The following FMO1 variants were observed in gnomAD, a reference collection of about 807,000 sequenced individuals.
FMO1 encodes flavin containing dimethylaniline monoxygenase 1.
In FMO1, 36 loss-of-function variants were observed where a neutral mutation model predicts 45.4. The observed-to-expected ratio is 0.79, with a 90% CI of 0.61 to 1.05. The LOEUF (loss-of-function observed/expected upper bound fraction) is 1.05. Among genes scored for constraint, FMO1 ranks in the 50% least tolerant of loss-of-function variants. The probability of loss-of-function intolerance (pLI) is 0.00; values close to 1 mark genes in which losing one functional copy is unlikely to be tolerated. For missense variants in FMO1, 615 were observed against 640.3 expected, an observed-to-expected ratio of 0.96 and a Z score of 0.43; for synonymous variants, 228 against 227.2, an observed-to-expected ratio of 1.00 and a Z score of -0.03.
chr1:171,271,268 C>G (rs1571347246), intron 3 of FMO1: 1 of 1,162,040 alleles, frequency 8.6e-7, no homozygotes, highest in Non-Finnish European at 1.2e-6. Context: ...GGGTGATACT[C>G]AGAGCAGAAC....
At chr1:171,278,057 A>C (rs937148999) in intron 4 of FMO1, among the ~76,000 whole-genome samples, 3 of 152,198 alleles carry the variant, frequency 2.0e-5, no homozygotes, top group Non-Finnish European at 4.4e-5. Context: ...TTTCAATAAG[A>C]TTCAGCATCA....
At chr1:171,267,829 A>C in intron 3 of FMO1, 98 bp downstream of exon 3, 1 of 828,434 alleles carries the variant, frequency 1.2e-6, no homozygotes, top group Non-Finnish European at 1.9e-6. Context: ...TGAGATACTA[A>C]ACTGGCAATA....
intron 2 of FMO1, among the ~76,000 whole-genome samples, chr1:171,266,342 T>C (rs1387901262): frequency 6.6e-6 from 1 of 152,246 alleles, no homozygotes; most frequent in East Asian, 1.9e-4. Context: ...AACAGACTAG[T>C]AACAAACCAT....
chr1:171,281,781 T>C (rs1388123637), intron 6 of FMO1, among the ~76,000 whole-genome samples, 197 bp from the exon 7 acceptor site: 1 of 152,194 alleles, frequency 6.6e-6, no homozygotes, highest in Non-Finnish European at 1.5e-5. Flanking sequence ...CAAACTCTAG[T>C]AAATGGCAAG....
chr1:171,283,103 A>G, intron 7 of FMO1, 41 bp from the exon 8 acceptor site: 1 of 1,068,272 alleles, frequency 9.4e-7, no homozygotes, highest in Non-Finnish European at 1.4e-6. Flanking sequence ...AGCTAGACCT[A>G]AACTTAAGTT....
chr1:171,283,067 T>C (rs1029552581), intron 7 of FMO1, 77 bp from the exon 8 acceptor site: 4 of 786,216 alleles, frequency 5.1e-6, no homozygotes, highest in African/African-American at 3.6e-5. Context: ...AGAGCCATAG[T>C]AAAGCATCTT....
rs761761217 is a variant in FMO1, at chr1:171,275,356, G to T, written c.332G>T (p.Cys111Phe). Reference protein sequence around the residue: ...LKHIQFKTKVCSVTKCSDSAV... With the variant: ...LKHIQFKTKVFSVTKCSDSAV... The stretch of plus-strand genomic sequence containing the variant: ...TGATTCTTTTTTCAGACCAAAGTCT[G>T]CAGTGTAACAAAATGCTCAGATTCT... The change falls in exon 4 of 9, where the codon TGC (cysteine) becomes TTC (phenylalanine). Residue 111 changes from cysteine (C) to phenylalanine (F), a missense_variant. Coordinates refer to ENST00000617670, the MANE Select transcript of FMO1 (RefSeq NM_001282693.2). The T allele has an allele frequency of 7.4e-6, 12 of 1,613,682 alleles. No individual in the cohort carries two copies. Among genetic ancestry groups the T allele is most frequent in the Non-Finnish European group, 9.3e-6 (11 of 1,179,786 alleles).
intron 1 of FMO1, among the ~76,000 whole-genome samples, chr1:171,256,012 G>A (rs1357603694): frequency 1.3e-5 from 2 of 152,214 alleles, no homozygotes; most frequent in Non-Finnish European, 2.9e-5. Flanking sequence ...AGTGGCTCAC[G>A]CCTGTAATCC....
intron 2 of FMO1, among the ~76,000 whole-genome samples, chr1:171,262,187 C>G (rs1660405556): frequency 1.3e-5 from 2 of 152,214 alleles, no homozygotes; most frequent in African/African-American, 4.8e-5. Flanking sequence ...GTAATCCCAG[C>G]ACTTTGGAAG....
chr1:171,271,068 T>C (rs906509163), intron 3 of FMO1: 2 of 984,192 alleles, frequency 2.0e-6, no homozygotes, highest in Admixed American at 2.0e-5. Context: ...CCTTGATAAA[T>C]CCCTTTTTTG....
intron 1 of FMO1, among the ~76,000 whole-genome samples, chr1:171,255,446 G>C (rs1257861603): frequency 6.6e-6 from 1 of 152,196 alleles, no homozygotes; most frequent in African/African-American, 2.4e-5. Flanking sequence ...AGCAGATCCA[G>C]GTCTCCAGCT....
intron 3 of FMO1, among the ~76,000 whole-genome samples, chr1:171,273,056 C>T (rs1333646113): frequency 2.6e-5 from 4 of 152,092 alleles, no homozygotes; most frequent in Non-Finnish European, 5.9e-5. Flanking sequence ...GGGAGGTAAC[C>T]GAATCATGAG....
At chr1:171,275,966 G>A (rs966546595) in intron 4 of FMO1, among the ~76,000 whole-genome samples, 3 of 152,108 alleles carry the variant, frequency 2.0e-5, no homozygotes, top group Admixed American at 6.6e-5. Context: ...TAGATTAGAG[G>A]TTTACGGCAC....
intron 2 of FMO1, among the ~76,000 whole-genome samples, chr1:171,261,106 C>T (rs1037832107): frequency 3.9e-5 from 6 of 151,972 alleles, no homozygotes; most frequent in East Asian, 1.9e-4. Flanking sequence ...GAATTAGTAA[C>T]GGGCTTAGGA....
intron 2 of FMO1, among the ~76,000 whole-genome samples, chr1:171,260,542 T>A (rs12145368): frequency 4.7e-4 from 72 of 152,102 alleles, no homozygotes; most frequent in African/African-American, 1.6e-3. Context: ...ATAAGAGCAC[T>A]CACACCAGAG....
Position 171,283,227 on chromosome 1 carries a change from T to C in FMO1, c.1256+11T>C, listed in dbSNP as rs770862345. The stretch of plus-strand genomic sequence containing the variant: ...AAACAAGCCCAGTTGGTAAGTTAAC[T>C]ACTTAATGCACCCTTTTTAAATTAT... On this transcript the variant is annotated intron_variant, in intron 8 of 8. Coordinates refer to ENST00000617670, the MANE Select transcript of FMO1 (RefSeq NM_001282693.2). The C allele has an allele frequency of 2.5e-6, 2 of 804,642 alleles. No individual in the cohort carries two copies. The highest frequency in any genetic ancestry group is 3.6e-6 in the Non-Finnish European group (2 of 549,458). 49.8% of individuals were successfully genotyped at this position (804,642 alleles called of 1,614,324 possible).
chr1:171,268,303 T>C (rs1660706626), intron 3 of FMO1, among the ~76,000 whole-genome samples: 1 of 152,116 alleles, frequency 6.6e-6, no homozygotes, highest in Admixed American at 6.5e-5. Context: ...CCATGCAGTC[T>C]CAAACACCTG....
At chr1:171,249,516 C>A (rs1232067669) in intron 1 of FMO1, among the ~76,000 whole-genome samples, 1 of 152,190 alleles carries the variant, frequency 6.6e-6, no homozygotes, top group Non-Finnish European at 1.5e-5. Flanking sequence ...ACCAGCTGTG[C>A]TCCTTTGTTC....
intron 1 of FMO1, chr1:171,257,679 G>A (rs1025051011): frequency 4.0e-6 from 1 of 247,856 alleles, no homozygotes; most frequent in Non-Finnish European, 7.9e-6. Flanking sequence ...AGTTTTGTAT[G>A]TGATAAAGAG....
Sources: gnomAD v4.1 joint callset for allele counts (sites outside exome capture counted in the v4.1 genomes callset) on GRCh38, gnomAD v4.1.1 for gene constraint, MANE v1.5 for transcripts, NCBI Gene and HGNC (gene_info 2026-07-23, HGNC 2026-07-21) for gene names.